ENOX1: variants seen among roughly 807,000 people sequenced by gnomAD.
ENOX1 encodes ecto-NOX disulfide-thiol exchanger 1.
In ENOX1, 42 loss-of-function variants were observed where a neutral mutation model predicts 82.5. That is an observed-to-expected ratio of 0.51 (90% confidence interval 0.40 to 0.66). The LOEUF (loss-of-function observed/expected upper bound fraction) is 0.66, where lower values mean the gene tolerates loss of function less well. Ranked by LOEUF, ENOX1 falls within the 30% of genes least tolerant of loss-of-function variation. The probability of loss-of-function intolerance (pLI) is 0.00; values close to 1 mark genes in which losing one functional copy is unlikely to be tolerated. For synonymous variants in ENOX1, 271 were observed against 282.2 expected (o/e 0.96, Z 0.40); for missense variants, 608 against 811.6 (o/e 0.75, Z 3.05).
intron 2 of ENOX1, among the ~76,000 whole-genome samples, chr13:43,644,561 AG>A (rs2083808944): frequency 6.6e-6 from 1 of 152,236 alleles, no homozygotes; most frequent in African/African-American, 2.4e-5. Context: ...CCAAGCTGAA[AG>A]TAATCAAATA....
intron 2 of ENOX1, among the ~76,000 whole-genome samples, chr13:43,605,626 C>T (rs755474661): frequency 7.9e-5 from 12 of 152,076 alleles, no homozygotes; most frequent in Admixed American, 2.6e-4. Flanking sequence ...AAACTAGACC[C>T]CTATTGCTCA....
chr13:43,683,948 T>C (rs961684206), intron 1 of ENOX1, among the ~76,000 whole-genome samples: 4 of 152,032 alleles, frequency 2.6e-5, no homozygotes, highest in African/African-American at 9.7e-5. Context: ...TCTAAGCTAA[T>C]GAAGATGTAC....
intron 1 of ENOX1, among the ~76,000 whole-genome samples, chr13:43,720,138 C>T (rs1474323795): frequency 3.3e-5 from 5 of 152,240 alleles, no homozygotes; most frequent in South Asian, 2.1e-4. Context: ...GTAAGTCTGA[C>T]GTTTCTCTCA....
At chr13:43,750,571 T>A (rs1268562824) in intron 1 of ENOX1, among the ~76,000 whole-genome samples, 1 of 152,154 alleles carries the variant, frequency 6.6e-6, no homozygotes, top group Non-Finnish European at 1.5e-5. Flanking sequence ...GATTCTGCAG[T>A]GTAGCACCTT....
intron 3 of ENOX1, among the ~76,000 whole-genome samples, chr13:43,416,648 C>T (rs575914493): frequency 3.1e-4 from 44 of 143,572 alleles, no homozygotes; most frequent in African/African-American, 9.6e-4. Context: ...CATCCCAGAC[C>T]GGGTGGTGGC....
At chr13:43,324,758 A>T (rs1233622455) in intron 10 of ENOX1, among the ~76,000 whole-genome samples, 1 of 152,048 alleles carries the variant, frequency 6.6e-6, no homozygotes, top group Non-Finnish European at 1.5e-5. Flanking sequence ...GGCTCCTTAG[A>T]CCTGCATGGA....
chr13:43,353,506 G>C (rs984902677), intron 8 of ENOX1, among the ~76,000 whole-genome samples: 1 of 152,148 alleles, frequency 6.6e-6, no homozygotes, highest in Non-Finnish European at 1.5e-5. Flanking sequence ...CTTAGGTATT[G>C]ACTGTATTTT....
intron 9 of ENOX1, among the ~76,000 whole-genome samples, chr13:43,332,639 T>G (rs1305085022): frequency 6.6e-6 from 1 of 152,232 alleles, no homozygotes; most frequent in African/African-American, 2.4e-5. Context: ...ATAGTGACTT[T>G]TAAAGATTTG....
intron 1 of ENOX1, among the ~76,000 whole-genome samples, chr13:43,741,353 G>C (rs755453875): frequency 2.0e-5 from 3 of 152,162 alleles, no homozygotes; most frequent in Non-Finnish European, 4.4e-5. Flanking sequence ...AAAGTGCTGG[G>C]ATTACAGGTG....
At chr13:43,218,977 A>G (rs543629406) in intron 16 of ENOX1, among the ~76,000 whole-genome samples, 1 of 152,098 alleles carries the variant, frequency 6.6e-6, no homozygotes, top group Non-Finnish European at 1.5e-5. Context: ...CCACCAGTAC[A>G]TTCTTTGTCT....
At chr13:43,524,036 A>C (rs2077886397) in intron 2 of ENOX1, among the ~76,000 whole-genome samples, 1 of 152,106 alleles carries the variant, frequency 6.6e-6, no homozygotes, top group African/African-American at 2.4e-5. Flanking sequence ...GACCCATGGA[A>C]TCTGTTGCTT....
chr13:43,214,243 G>C, intron 16 of ENOX1, 122 bp from the exon 17 acceptor site: 2 of 951,888 alleles, frequency 2.1e-6, no homozygotes, highest in African/African-American at 3.3e-5. Context: ...TGGGCTGTCA[G>C]GGGGATGTCC....
At chr13:43,645,304 G>A (rs560688000) in intron 2 of ENOX1, among the ~76,000 whole-genome samples, 2 of 152,158 alleles carry the variant, frequency 1.3e-5, no homozygotes, top group East Asian at 3.9e-4. Flanking sequence ...TAGAACTACA[G>A]GTGCATGCCA....
At chr13:43,600,927 A>T (rs1468879096) in intron 2 of ENOX1, among the ~76,000 whole-genome samples, 1 of 152,174 alleles carries the variant, frequency 6.6e-6, no homozygotes, top group Non-Finnish European at 1.5e-5. Flanking sequence ...AAGACCAACA[A>T]GGTGATAGCT....
At chr13:43,716,308 G>A (rs1232920302) in intron 1 of ENOX1, among the ~76,000 whole-genome samples, 1 of 152,116 alleles carries the variant, frequency 6.6e-6, no homozygotes, top group Non-Finnish European at 1.5e-5. Flanking sequence ...GTCTGTTGGA[G>A]TTTGCTAGAG....
chr13:43,360,667 T>C (rs1238455869), intron 6 of ENOX1, among the ~76,000 whole-genome samples: 1 of 145,238 alleles, frequency 6.9e-6, no homozygotes, highest in Non-Finnish European at 1.5e-5. Flanking sequence ...AGCAATCTCC[T>C]GAAAAGTCCA....
At chr13:43,706,538 G>C (rs1475505755) in intron 1 of ENOX1, among the ~76,000 whole-genome samples, 3 of 151,856 alleles carry the variant, frequency 2.0e-5, no homozygotes, top group African/African-American at 7.3e-5. Context: ...TACATAAACA[G>C]ATAATACAGC....
intron 1 of ENOX1, among the ~76,000 whole-genome samples, chr13:43,740,882 A>G (rs1476880129): frequency 6.6e-6 from 1 of 152,200 alleles, no homozygotes; most frequent in African/African-American, 2.4e-5. Context: ...TTGTTTATTC[A>G]ACAGTTGAAG....
chr13:43,650,219 A>G (rs1029932881), intron 2 of ENOX1, among the ~76,000 whole-genome samples: 2 of 152,172 alleles, frequency 1.3e-5, no homozygotes, highest in African/African-American at 2.4e-5. Flanking sequence ...AGTTCTTGGC[A>G]GGGGCTGGCA....
Sources: gnomAD v4.1 joint callset for allele counts (sites outside exome capture counted in the v4.1 genomes callset) on GRCh38, gnomAD v4.1.1 for gene constraint, MANE v1.5 for transcripts, NCBI Gene and HGNC (gene_info 2026-07-23, HGNC 2026-07-21) for gene names.